CHRNB4: variants seen among roughly 807,000 people sequenced by gnomAD.
The protein encoded by CHRNB4 is cholinergic receptor nicotinic beta 4 subunit.
A neutral mutation model predicts 40.4 loss-of-function variants in CHRNB4; 23 were observed. That is an observed-to-expected ratio of 0.57 (90% CI 0.41 to 0.81). The LOEUF (loss-of-function observed/expected upper bound fraction) is 0.81, where lower values mean the gene tolerates loss of function less well. CHRNB4 is among the 30% of genes least tolerant of loss of function. The pLI is 0.00. For missense variants in CHRNB4, 568 were observed against 670.6 expected, an observed-to-expected ratio of 0.85 and a Z score of 1.69; for synonymous variants, 285 against 274.4, an observed-to-expected ratio of 1.04 and a Z score of -0.38.
intron 1 of CHRNB4, among the ~76,000 whole-genome samples, chr15:78,659,424 T>A (rs182478050): frequency 1.2e-4 from 19 of 152,150 alleles, no homozygotes; most frequent in African/African-American, 4.3e-4. Flanking sequence ...AAAGACCGTG[T>A]CTCAAAAAGA....
rs149156593 is a variant in CHRNB4, at chr15:78,646,429, T to C, written c.46+2950A>G. Among the ~76,000 whole-genome samples, 825 of 152,292 alleles carry C rather than the reference T, an allele frequency of 5.4e-3. 8 individuals carry two copies. The highest frequency in any genetic ancestry group is 0.019 in the African/African-American group (774 of 41,558). On this transcript the variant is annotated intron_variant and NMD_transcript_variant, in intron 7 of 11. Transcript: ENST00000559849. ...CTTTGAAAGCATTTAGAAGCAAACA[T>C]AGGAGGATATCATTATGACTGGGGT... is the stretch of plus-strand genomic sequence containing the variant.
intron 1 of CHRNB4, among the ~76,000 whole-genome samples, chr15:78,635,900 C>A (rs1365250604): frequency 1.3e-5 from 2 of 152,104 alleles, no homozygotes; most frequent in Non-Finnish European, 2.9e-5. Context: ...ATCCAAGTGG[C>A]CACTTAGTCC....
chr15:78,644,821 A>C (rs147360778), upstream of CHRNB4, among the ~76,000 whole-genome samples: 188 of 152,348 alleles, frequency 1.2e-3, no homozygotes, highest in Non-Finnish European at 2.2e-3. Context: ...TCATGTAGTA[A>C]TTGAGGGGCC....
upstream of CHRNB4, chr15:78,641,278 C>T (rs2054070498): frequency 3.1e-6 from 2 of 639,344 alleles, no homozygotes; most frequent in African/African-American, 2.0e-5. Context: ...CGGAGAGCCC[C>T]GCCGAGCCCC....
At position 78,625,218 on chromosome 15, in the gene CHRNB4, A is replaced by G; in HGVS notation, c.1412T>C (p.Val471Ala). The stretch of plus-strand genomic sequence containing the variant: ...TAGGAAGAGCCCCACAGTGCCCAGG[A>G]CGCACACAAACATGAACACCCACAG... Reference protein sequence around the residue: ...LFLWVFMFVCVLGTVGLFLPP... With the variant: ...LFLWVFMFVCALGTVGLFLPP... Residue 471 changes from valine (V) to alanine (A), a missense_variant, in exon 6 of 6, where the codon GTC becomes GCC. Transcript: ENST00000261751. 6.3e-7 allele frequency: 1 copy of G among 1,596,586 alleles called. No homozygotes were observed. Among genetic ancestry groups the G allele is most frequent in the East Asian group, 2.2e-5 (1 of 44,680 alleles).
At chr15:78,661,226 G>C (rs552143753), upstream of CHRNB4, 162 of 608,946 alleles carry the variant, frequency 2.7e-4, no homozygotes, top group African/African-American at 2.5e-3. Flanking sequence ...GGGGAGTCCA[G>C]GGCCAGCTGG....
At chr15:78,645,937 G>A (rs2054119304), upstream of CHRNB4, among the ~76,000 whole-genome samples, 1 of 151,902 alleles carries the variant, frequency 6.6e-6, no homozygotes, top group South Asian at 2.1e-4. Context: ...GCGCACACCT[G>A]TAGTCCCAGC....
intron 6 of CHRNB4, among the ~76,000 whole-genome samples, chr15:78,650,557 T>C (rs2054163795): frequency 6.6e-6 from 1 of 152,130 alleles, no homozygotes; most frequent in Non-Finnish European, 1.5e-5. Flanking sequence ...TCCCCATCAG[T>C]GCTGGTGCCC....
chr15:78,661,057 C>T (rs765603422), upstream of CHRNB4: 10 of 592,234 alleles, frequency 1.7e-5, no homozygotes, highest in Non-Finnish European at 2.6e-5. Flanking sequence ...TTTGTAGTCT[C>T]GGCTGGCCCT....
At chr15:78,647,045 C>T (rs60920122) in intron 7 of CHRNB4, among the ~76,000 whole-genome samples, 6,177 of 152,076 alleles carry the variant, frequency 0.041, 413 homozygotes, top group African/African-American at 0.14. Context: ...GAGGCTGAGG[C>T]GGGAGGATCA....
At chr15:78,652,305 A>T (rs1182375343) in intron 6 of CHRNB4, among the ~76,000 whole-genome samples, 1 of 151,092 alleles carries the variant, frequency 6.6e-6, no homozygotes, top group Admixed American at 6.6e-5. Flanking sequence ...TGCTTTATAG[A>T]TCACTGGCTG....
At chr15:78,634,849 A>C (rs1596109864) in intron 2 of CHRNB4, 1 of 446,390 alleles carries the variant, frequency 2.2e-6, no homozygotes, top group African/African-American at 2.0e-5. Context: ...CTCCCTCAGC[A>C]CCCCCACCTC....
At chr15:78,645,481 G>A (rs1353823628), upstream of CHRNB4, among the ~76,000 whole-genome samples, 1 of 152,026 alleles carries the variant, frequency 6.6e-6, no homozygotes, top group African/African-American at 2.4e-5. Flanking sequence ...AATCTTGAGT[G>A]CATTTTAAAA....
At chr15:78,637,346 G>T (rs1239212342) in intron 1 of CHRNB4, among the ~76,000 whole-genome samples, 1 of 152,132 alleles carries the variant, frequency 6.6e-6, no homozygotes, top group Non-Finnish European at 1.5e-5. Context: ...AAGCATAGAG[G>T]GGGCAGCTTG....
chr15:78,650,506 C>T (rs777648259), intron 6 of CHRNB4, among the ~76,000 whole-genome samples: 1 of 152,196 alleles, frequency 6.6e-6, no homozygotes, highest in Non-Finnish European at 1.5e-5. Context: ...TCTTCACATT[C>T]CTGGCTTTTC....
At position 78,629,941 on chromosome 15, in the gene CHRNB4, C is replaced by T. The variant is rs1411194042; in HGVS notation, c.364G>A (p.Asp122Asn). ...TAGACAGACACCTCATAGGTCCCGT[C>T]GGCGCTGGGCAGGGTCAGGGCATGG... ...LPDIVLYNNA[D>N]GTYEVSVYTN... Residue 122 changes from aspartate to asparagine, a missense_variant, in exon 5 of 6, where the codon GAC (aspartate) becomes AAC (asparagine). Asp to Asn is a conservative substitution (Grantham distance 23). Coordinates refer to ENST00000261751, the MANE Select transcript of CHRNB4 (RefSeq NM_000750.5). This position sits in a 1 kb window ranked among gnomAD's most constrained non-coding sequence, Gnocchi z 6.8. The T allele has an allele frequency of 5.7e-6, 9 of 1,572,410 alleles. No individual in the cohort carries two copies. Among genetic ancestry groups the T allele is most frequent in the Non-Finnish European group, 7.7e-6 (9 of 1,162,176 alleles).
chr15:78,641,705 G>C (rs565420229), upstream of CHRNB4, among the ~76,000 whole-genome samples: 9 of 152,330 alleles, frequency 5.9e-5, no homozygotes, highest in African/African-American at 2.2e-4. Flanking sequence ...TGGAATCTGG[G>C]AGGGTGAATA....
Position 78,629,530 on chromosome 15 carries a change from C to T in CHRNB4, c.775G>A (p.Asp259Asn), listed in dbSNP as rs748071585. Reference sequence around the variant, plus strand: ...CACAGTGTCATCTTCTCGCCGCAGTCGGATGGCAGGTAGAAGACGAGGATG... The same window carrying T: ...CACAGTGTCATCTTCTCGCCGCAGTTGGATGGCAGGTAGAAGACGAGGATG... ...LAILVFYLPS[D>N]CGEKMTLCIS... The change falls in exon 5 of 6, where the codon GAC (aspartate) becomes AAC (asparagine). Residue 259 changes from aspartate (D) to asparagine (N), a missense_variant. This residue lies in a region of CHRNB4 where 38 missense variants were observed against 80.3 expected (regional missense o/e 0.47). Coordinates refer to ENST00000261751, the MANE Select transcript of CHRNB4 (RefSeq NM_000750.5). This position sits in a 1 kb window ranked among gnomAD's most constrained non-coding sequence, Gnocchi z 6.8. 1.4e-5 allele frequency: 22 copies of T among 1,613,988 alleles called. No individual in the cohort carries two copies. The highest frequency in any genetic ancestry group is 1.0e-4 in the Admixed American group (6 of 60,000).
upstream of CHRNB4, among the ~76,000 whole-genome samples, chr15:78,643,853 G>C (rs924646982): frequency 5.9e-5 from 9 of 152,008 alleles, no homozygotes; most frequent in African/African-American, 2.2e-4. Context: ...AAATGAAATA[G>C]AAAAAGAGAT....
Sources: gnomAD v4.1 joint callset for allele counts (sites outside exome capture counted in the v4.1 genomes callset) on GRCh38, gnomAD v4.1.1 for gene constraint, gnomAD v4.1.1 regional missense constraint, Gnocchi (gnomAD v3.1) non-coding constraint, MANE v1.5 for transcripts, NCBI Gene and HGNC (gene_info 2026-07-23, HGNC 2026-07-21) for gene names.